Variants in CCDC144A observed in about 807,000 individuals in gnomAD.
CCDC144A encodes the protein coiled-coil domain containing 144A.
A neutral mutation model predicts 143.8 loss-of-function variants in CCDC144A; 41 were observed. The observed-to-expected ratio is 0.29, with a 90% confidence interval of 0.22 to 0.37. The LOEUF is 0.37. Among genes scored for constraint, CCDC144A ranks in the 10% least tolerant of loss-of-function variants. The probability of loss-of-function intolerance (pLI) is 1.00; values close to 1 mark genes in which losing one functional copy is unlikely to be tolerated. For synonymous variants in CCDC144A, 242 were observed against 517.9 expected, an observed-to-expected ratio of 0.47 and a Z score of 7.23; for missense variants, 637 against 1,488.8, an observed-to-expected ratio of 0.43 and a Z score of 9.41.
the CCDC144A span, among the ~76,000 whole-genome samples, chr17:16,673,370 A>T: frequency 1.3e-5 from 2 of 151,502 alleles, no homozygotes; most frequent in African/African-American, 4.8e-5. Context: ...TAATACATGT[A>T]TCAAAAAGTT....
intron 8 of CCDC144A, among the ~76,000 whole-genome samples, chr17:16,724,942 C>T (rs1421751311): frequency 1.4e-5 from 2 of 145,284 alleles, no homozygotes; most frequent in African/African-American, 2.5e-5. Context: ...TGAGCCACCG[C>T]GCCCAGCCGA....
chr17:16,684,473 G>A, the CCDC144A span, among the ~76,000 whole-genome samples: 6 of 152,020 alleles, frequency 3.9e-5, no homozygotes, highest in African/African-American at 1.5e-4. Context: ...GGCCAGTATG[G>A]TGAAGCCCCA....
At chr17:16,695,087 C>T (rs1175391793) in intron 2 of CCDC144A, among the ~76,000 whole-genome samples, 3 of 152,200 alleles carry the variant, frequency 2.0e-5, no homozygotes, top group Admixed American at 6.6e-5. Flanking sequence ...AGGTTTTGCA[C>T]GTTATGGGAG....
chr17:16,667,482 GGGCTGAAA>G, the CCDC144A span, among the ~76,000 whole-genome samples: 8 of 152,122 alleles, frequency 5.3e-5, no homozygotes, highest in Non-Finnish European at 1.0e-4. Context: ...AGGGGCTGAG[GGGCTGAAA>G]GGCTGAAGGG....
chr17:16,710,090 A>C (rs1033335706), intron 5 of CCDC144A: 2 of 184,924 alleles, frequency 1.1e-5, no homozygotes, highest in Admixed American at 5.4e-5. Context: ...CTGTAGTCTC[A>C]GCTACTAGGG....
rs1332432063 is a variant in CCDC144A, at chr17:16,714,947, C to A, written c.1715+3132C>A. ...GCACACCTCTGCACTGGGCAGTTCC[C>A]TGTGTCTGGGATGCCTTTTCCTCAG... On this transcript the variant is annotated intron_variant, in intron 6 of 16. Transcript: ENST00000399273. 6.6e-5 allele frequency among the ~76,000 whole-genome samples: 10 copies of A among 152,332 alleles called. No individual in the cohort carries two copies. The East Asian group carries it at 1.9e-3, about 29-fold the overall frequency.
At chr17:16,723,179 A>G (rs1202719788) in intron 8 of CCDC144A, among the ~76,000 whole-genome samples, 1 of 151,996 alleles carries the variant, frequency 6.6e-6, no homozygotes. Context: ...TCTTTTATAG[A>G]TATAGGACAG....
chr17:16,710,065 C>T (rs903174873), intron 5 of CCDC144A: 8 of 193,388 alleles, frequency 4.1e-5, no homozygotes, highest in South Asian at 9.1e-5. Flanking sequence ...ATCTAGCAGG[C>T]GTGGTGGCAA....
the CCDC144A span, chr17:16,683,486 C>CT: frequency 6.9e-7 from 1 of 1,449,792 alleles, no homozygotes; most frequent in African/African-American, 1.4e-5. Context: ...CCGCCTTGCC[C>CT]TGCCGCCGCT....
At position 16,773,659 on chromosome 17, in the gene CCDC144A, A is replaced by G. The variant is rs1228833793; in HGVS notation, c.*26A>G. On this transcript the variant is annotated 3_prime_UTR_variant, in exon 17 of 17. Transcript: ENST00000399273. Reference sequence around the variant, plus strand: ...AAGATAAGGCAATTTTATTTGGGCTATTCACATGATATTTTGTTTCCCATT... The same window carrying G: ...AAGATAAGGCAATTTTATTTGGGCTGTTCACATGATATTTTGTTTCCCATT... 5 of 1,460,226 alleles carry G rather than the reference A, an allele frequency of 3.4e-6. No individual in the cohort carries two copies. Among genetic ancestry groups the G allele is most frequent in the Non-Finnish European group, 4.5e-6 (5 of 1,100,212 alleles). The allele number at this position is 1,460,226 out of a possible 1,614,324, so 90.5% of individuals were successfully genotyped here.
chr17:16,743,056 G>A (rs1914332213), intron 12 of CCDC144A, among the ~76,000 whole-genome samples: 1 of 152,130 alleles, frequency 6.6e-6, no homozygotes, highest in Admixed American at 6.5e-5. Context: ...TTCCTTTGCT[G>A]TGAAGAAACC....
At chr17:16,744,957 A>G (rs758805886) in intron 12 of CCDC144A, among the ~76,000 whole-genome samples, 16 of 152,130 alleles carry the variant, frequency 1.1e-4, no homozygotes, top group Non-Finnish European at 1.6e-4. Context: ...TTATTTGGGC[A>G]AATTCTTAAA....
intron 1 of CCDC144A, among the ~76,000 whole-genome samples, chr17:16,691,532 T>C (rs1391107204): frequency 2.6e-5 from 4 of 150,960 alleles, no homozygotes; most frequent in Non-Finnish European, 5.9e-5. Context: ...GAGGCTAAGG[T>C]GGGCGGATCA....
chr17:16,671,919 T>G, the CCDC144A span, among the ~76,000 whole-genome samples: 2 of 152,084 alleles, frequency 1.3e-5, no homozygotes, highest in African/African-American at 4.8e-5. Flanking sequence ...ATATGCTAAT[T>G]AAATATTATG....
rs910103211 is a variant in CCDC144A at position 16,776,404 on chromosome 17, A to G, written c.*2771A>G. On this transcript the variant is annotated 3_prime_UTR_variant, in exon 17 of 17. Transcript: ENST00000399273. ...AATAATGGTTTATAGTTATCCTTGA[A>G]AAGGTCCTTCACTTTTCTTGTTAGC... is the stretch of plus-strand genomic sequence containing the variant. The G allele has an allele frequency of 1.3e-5, 2 of 152,172 alleles. No homozygotes were observed. Among genetic ancestry groups the G allele is most frequent in the Non-Finnish European group, 2.9e-5 (2 of 68,040 alleles). 9.4% of individuals were successfully genotyped at this position (152,172 alleles called of 1,614,324 possible). A position where few individuals can be genotyped will look rare whatever the true frequency, so the allele number is the denominator to read the frequency against.
chr17:16,677,829 G>T, the CCDC144A span, among the ~76,000 whole-genome samples: 1 of 150,930 alleles, frequency 6.6e-6, no homozygotes, highest in South Asian at 2.1e-4. Context: ...AAAAAAAAAT[G>T]AAAGCAGGAG....
the CCDC144A span, among the ~76,000 whole-genome samples, chr17:16,668,393 T>C: frequency 6.6e-6 from 1 of 152,224 alleles, no homozygotes; most frequent in African/African-American, 2.4e-5. Context: ...ACTAGAATGC[T>C]GATAGTTTTC....
chr17:16,677,695 T>A, the CCDC144A span, among the ~76,000 whole-genome samples: 1 of 151,744 alleles, frequency 6.6e-6, no homozygotes, highest in African/African-American at 2.4e-5. Context: ...CAGGTGCCTG[T>A]AATCCCAGCT....
intron 8 of CCDC144A, among the ~76,000 whole-genome samples, chr17:16,722,259 G>A (rs181030616): frequency 1.5e-4 from 23 of 152,152 alleles, no homozygotes; most frequent in African/African-American, 4.6e-4. Context: ...CAAACAAACC[G>A]TGTATTTAGG....
Sources: allele counts gnomAD v4.1 joint callset (sites outside exome capture counted in the v4.1 genomes callset), GRCh38; gene constraint gnomAD v4.1.1; transcripts MANE v1.5; gene names NCBI Gene and HGNC (gene_info 2026-07-23, HGNC 2026-07-21).